Variants in TMEM120B observed in about 807,000 individuals in gnomAD.
TMEM120B encodes transmembrane protein 120B.
TMEM120B carries 31 observed loss-of-function variants against 55.5 expected under a neutral mutation model. That is an observed-to-expected ratio of 0.56 (90% CI 0.42 to 0.75). TMEM120B has a LOEUF of 0.75. Among genes scored for constraint, TMEM120B ranks in the 30% least tolerant of loss-of-function variants. TMEM120B has a pLI of 0.00. For synonymous variants in TMEM120B, 203 were observed against 176.3 expected, an observed-to-expected ratio of 1.15 and a Z score of -1.20; for missense variants, 399 against 425.5, an observed-to-expected ratio of 0.94 and a Z score of 0.55.
chr12:121,727,407 G>A (rs1211887119), intron 1 of TMEM120B, among the ~76,000 whole-genome samples: 2 of 151,864 alleles, frequency 1.3e-5, no homozygotes, highest in Non-Finnish European at 2.9e-5. Flanking sequence ...ATGGTCGTGC[G>A]TGCCCATGGT....
At chr12:121,770,871 C>T (rs761227394) in intron 6 of TMEM120B, 36 bp from the exon 7 acceptor site, 43 of 1,606,736 alleles carry the variant, frequency 2.7e-5, no homozygotes, top group Non-Finnish European at 8.5e-7. Flanking sequence ...GTTGCTCTCC[C>T]CTCCTGAGCA....
intron 6 of TMEM120B, among the ~76,000 whole-genome samples, chr12:121,763,627 G>C (rs1018545131): frequency 1.3e-5 from 2 of 152,066 alleles, no homozygotes; most frequent in African/African-American, 4.8e-5. Flanking sequence ...ATTTTTAGTA[G>C]AGACTGGGTT....
At chr12:121,736,281 TCTCCTGCCTCAGC>T (rs1895111197) in intron 1 of TMEM120B, among the ~76,000 whole-genome samples, 1 of 143,456 alleles carries the variant, frequency 7.0e-6, no homozygotes, top group African/African-American at 2.5e-5. Context: ...TTCACTCCAT[TCTCCTGCCTCAGC>T]CTCCTGCCAC....
intron 1 of TMEM120B, among the ~76,000 whole-genome samples, chr12:121,732,199 A>G (rs780053641): frequency 6.6e-5 from 10 of 152,230 alleles, no homozygotes; most frequent in Admixed American, 1.3e-4. Context: ...GACCTTTCCC[A>G]CTGCTTGTGA....
At chr12:121,726,044 A>AC (rs1248627435) in intron 1 of TMEM120B, among the ~76,000 whole-genome samples, 2 of 150,028 alleles carry the variant, frequency 1.3e-5, no homozygotes, top group Non-Finnish European at 3.0e-5. Context: ...TCAAAAAAAA[A>AC]AAAACAAAAA....
intron 5 of TMEM120B, among the ~76,000 whole-genome samples, chr12:121,753,116 G>A (rs1340828357): frequency 8.6e-5 from 11 of 127,564 alleles, no homozygotes; most frequent in African/African-American, 3.5e-4. Flanking sequence ...TGAACAAAAG[G>A]GAGAGAGAAA....
intron 9 of TMEM120B, 33 bp from the exon 10 acceptor site, chr12:121,774,625 C>T (rs1488034175): frequency 5.6e-6 from 9 of 1,607,498 alleles, no homozygotes; most frequent in African/African-American, 1.3e-5. Context: ...CGGACCCCCT[C>T]AGCGGGTCCT....
chr12:121,750,669 A>C (rs1306063809), intron 4 of TMEM120B, among the ~76,000 whole-genome samples: 2 of 99,408 alleles, frequency 2.0e-5, no homozygotes, highest in African/African-American at 4.2e-5. Flanking sequence ...ACCCACACCC[A>C]CACCCCACAC....
intron 1 of TMEM120B, among the ~76,000 whole-genome samples, chr12:121,736,601 G>A (rs998640772): frequency 1.3e-5 from 2 of 152,018 alleles, no homozygotes; most frequent in Admixed American, 6.6e-5. Context: ...CCAGGCTGGA[G>A]CGCAGTGGCA....
At position 121,779,415 on chromosome 12, in the gene TMEM120B, G is replaced by A. The variant is rs763163453; in HGVS notation, c.*3693G>A. ...CCCAGACACCATGAGCTGGAGGGTC[G>A]GGATGGGGCAGCCTCCCTGGTGCAA... On this transcript the variant is annotated 3_prime_UTR_variant, in exon 12 of 12. Transcript: ENST00000449592. The A allele has an allele frequency of 1.2e-4, 171 of 1,462,910 alleles. No homozygotes were observed. The highest frequency in any genetic ancestry group is 2.2e-4 in the African/African-American group (16 of 71,606). The allele number at this position is 1,462,910 out of a possible 1,614,324, so 90.6% of individuals were successfully genotyped here. A position where few individuals can be genotyped will look rare whatever the true frequency, so the allele number is the denominator to read the frequency against.
intron 1 of TMEM120B, among the ~76,000 whole-genome samples, chr12:121,734,725 C>G (rs1420875813): frequency 6.6e-6 from 1 of 151,852 alleles, no homozygotes; most frequent in Non-Finnish European, 1.5e-5. Context: ...ACCAGCCTGG[C>G]CAACATGGCA....
chr12:121,736,860 G>C (rs543941977), intron 1 of TMEM120B, among the ~76,000 whole-genome samples: 1 of 151,996 alleles, frequency 6.6e-6, no homozygotes, highest in Non-Finnish European at 1.5e-5. Flanking sequence ...GTTTCTTTAC[G>C]TACATGTCTG....
At chr12:121,765,968 C>T (rs534339050) in intron 6 of TMEM120B, among the ~76,000 whole-genome samples, 3 of 152,234 alleles carry the variant, frequency 2.0e-5, no homozygotes, top group East Asian at 3.9e-4. Flanking sequence ...CATCCACTCA[C>T]TCGGGGCTGG....
Position 121,779,640 on chromosome 12 carries a change from A to ATC in TMEM120B, c.*3920_*3921dup. On this transcript the variant is annotated 3_prime_UTR_variant, in exon 12 of 12. Coordinates refer to ENST00000449592, the MANE Select transcript of TMEM120B (RefSeq NM_001080825.2). ...ACATTCCAGGTAGAGAGCAGCTCGG[A>ATC]TCTGTTCGCAGGCGCTCAGGCCCTG... 1 of 1,614,056 alleles carries ATC rather than the reference A, an allele frequency of 6.2e-7. No individual in the cohort carries two copies.
intron 1 of TMEM120B, among the ~76,000 whole-genome samples, chr12:121,731,616 T>C (rs1011908735): frequency 6.6e-6 from 1 of 152,224 alleles, no homozygotes; most frequent in Non-Finnish European, 1.5e-5. Context: ...AGCAATAGTC[T>C]ATACCATCCA....
intron 1 of TMEM120B, among the ~76,000 whole-genome samples, chr12:121,740,433 C>T (rs949714350): frequency 2.6e-5 from 4 of 151,248 alleles, no homozygotes; most frequent in Non-Finnish European, 5.9e-5. Context: ...TGCAGTGATT[C>T]GAGATCATGC....
intron 6 of TMEM120B, among the ~76,000 whole-genome samples, chr12:121,767,309 C>T (rs1340400121): frequency 3.3e-5 from 5 of 152,116 alleles, no homozygotes; most frequent in East Asian, 1.9e-4. Flanking sequence ...TACAGGCACC[C>T]GCCACCACGC....
At chr12:121,729,770 G>A (rs566733883) in intron 1 of TMEM120B, among the ~76,000 whole-genome samples, 2 of 152,302 alleles carry the variant, frequency 1.3e-5, no homozygotes, top group South Asian at 4.1e-4. Context: ...CTGCACCGCA[G>A]CCTGGGCGAC....
At position 121,752,176 on chromosome 12, in the gene TMEM120B, C is replaced by A. The variant is rs1218541828; in HGVS notation, c.414C>A (p.Ile138=). ...EYEKFKLYLT[I]ILLLGAVACR... Reference sequence around the variant, plus strand: ...AGAAGTTCAAGCTCTACCTGACCATCATCCTGCTCCTGGGTGCCGTGGCAT... The same window carrying A: ...AGAAGTTCAAGCTCTACCTGACCATAATCCTGCTCCTGGGTGCCGTGGCAT... The change falls in exon 5 of 12, where the codon ATC becomes ATA. Residue 138 remains isoleucine (I), a synonymous_variant. Coordinates refer to ENST00000449592, the MANE Select transcript of TMEM120B (RefSeq NM_001080825.2). 6.2e-7 allele frequency: 1 copy of A among 1,613,776 alleles called. No homozygotes were observed. The highest frequency in any genetic ancestry group is 1.1e-5 in the South Asian group (1 of 91,086).
Sources: gnomAD v4.1 joint callset for allele counts (sites outside exome capture counted in the v4.1 genomes callset) on GRCh38, gnomAD v4.1.1 for gene constraint, MANE v1.5 for transcripts, NCBI Gene and HGNC (gene_info 2026-07-23, HGNC 2026-07-21) for gene names.